GCN1: variants seen among roughly 807,000 people sequenced by gnomAD.
GCN1 encodes stalled ribosome sensor GCN1.
GCN1 carries 90 observed loss-of-function variants against 288.4 expected under a neutral mutation model. That is an observed-to-expected ratio of 0.31 (90% CI 0.26 to 0.37). The LOEUF (loss-of-function observed/expected upper bound fraction) is 0.37, where lower values mean the gene tolerates loss of function less well. GCN1 is among the 10% of genes least tolerant of loss of function. The probability of loss-of-function intolerance (pLI) is 1.00; values close to 1 mark genes in which losing one functional copy is unlikely to be tolerated. For missense variants in GCN1, 2,586 were observed against 3,419.9 expected, an observed-to-expected ratio of 0.76 and a Z score of 6.08; for synonymous variants, 1,386 against 1,420.2, an observed-to-expected ratio of 0.98 and a Z score of 0.54.
chr12:120,161,736 C>T (rs1014112830), intron 21 of GCN1, 144 bp downstream of exon 21: 3 of 940,190 alleles, frequency 3.2e-6, no homozygotes, highest in African/African-American at 3.3e-5. Flanking sequence ...GACCTAAGCA[C>T]CGTGCCGGGG....
rs1876839507 is a variant in GCN1 at position 120,131,922 on chromosome 12, T to C, written c.7414+4A>G. ...CCTGAAGGGGAACTCTCCAGTGTAC[T>C]TACCCAGCAAGCACTGCTGTAGAAC... On this transcript the variant is annotated splice_donor_region_variant and intron_variant, in intron 54 of 57. Coordinates refer to ENST00000300648, the MANE Select transcript of GCN1 (RefSeq NM_006836.2). 1.3e-6 allele frequency: 2 copies of C among 1,586,540 alleles called. No individual in the cohort carries two copies. The highest frequency in any genetic ancestry group is 1.7e-6 in the Non-Finnish European group (2 of 1,161,018).
chr12:120,187,696 G>A (rs1244197074), intron 2 of GCN1, among the ~76,000 whole-genome samples: 2 of 151,812 alleles, frequency 1.3e-5, no homozygotes, highest in Non-Finnish European at 2.9e-5. Flanking sequence ...GGGCTCAAGC[G>A]ATCCTCCCAC....
At chr12:120,169,584 ACCTACG>A (rs1346210551) in intron 15 of GCN1, among the ~76,000 whole-genome samples, 4 of 152,022 alleles carry the variant, frequency 2.6e-5, no homozygotes, top group African/African-American at 9.7e-5. Context: ...GCTCACTGCA[ACCTACG>A]CCTCCTGGGT....
chr12:120,184,830 C>T lies in GCN1; in HGVS notation c.179G>A (p.Arg60Gln), dbSNP rs1319481654. The T allele has an allele frequency of 1.2e-6, 2 of 1,608,458 alleles. No homozygotes were observed. The highest frequency in any genetic ancestry group is 1.7e-4 in the Middle Eastern group (1 of 6,054). The change falls in exon 3 of 58, where the codon CGA (arginine) becomes CAA (glutamine). Residue 60 changes from arginine to glutamine, a missense_variant. Arg to Gln is a conservative substitution (Grantham distance 43). Transcript: ENST00000300648. Reference protein sequence around the residue: ...LCKLFCLTLHRYRDAASRRAL... With the variant: ...LCKLFCLTLHQYRDAASRRAL... ...GCCTTTGGCTGGGACTCACCTATAT[C>T]GATGCAGAGTCAAGCAGAACAATTT...
At position 120,161,574 on chromosome 12, in the gene GCN1, C is replaced by A; in HGVS notation, c.2352G>T (p.Gln784His). The A allele has an allele frequency of 5.6e-6, 9 of 1,612,444 alleles. No homozygotes were observed. Among genetic ancestry groups the A allele is most frequent in the Non-Finnish European group, 7.6e-6 (9 of 1,178,504 alleles). The stretch of plus-strand genomic sequence containing the variant: ...TCATGTTGGCCTTTTTTATGCTGTC[C>A]TGCTGGGCACTGAAACACCAGAGTG... ...YDKSIIQSAQ[Q>H]DSIKKANMKR... is the part of the protein sequence containing the mutation. Residue 784 changes from glutamine (Q) to histidine (H), a missense_variant, in exon 22 of 58, where the codon CAG (glutamine) becomes CAT (histidine). Gln to His is a conservative substitution (Grantham distance 24). This residue lies in a region of GCN1 where 913 missense variants were observed against 1,107.0 expected (regional missense o/e 0.82). Transcript: ENST00000300648.
chr12:120,137,530 C>T lies in GCN1; in HGVS notation c.6663+15G>A, dbSNP rs1286391334. On this transcript the variant is annotated intron_variant, in intron 49 of 57. Transcript: ENST00000300648. This position sits in a 1 kb window ranked among gnomAD's most constrained non-coding sequence, Gnocchi z 5.2. ...TAAAAGCAAAAGTTGGCTGTGGGGT[C>T]AGCAGTCCCCTCACCTTAGTGATGG... 5 of 1,610,052 alleles carry T rather than the reference C, an allele frequency of 3.1e-6. No individual in the cohort carries two copies. Among genetic ancestry groups the T allele is most frequent in the Non-Finnish European group, 4.2e-6 (5 of 1,176,698 alleles).
At chr12:120,165,055 T>A (rs921989518) in intron 16 of GCN1, among the ~76,000 whole-genome samples, 10 of 145,534 alleles carry the variant, frequency 6.9e-5, no homozygotes, top group African/African-American at 2.7e-4. Flanking sequence ...ATATATATTT[T>A]TTTTTTTGAG....
chr12:120,151,059 C>G lies in GCN1; in HGVS notation c.4309+86G>C. 3 of 1,480,988 alleles carry G rather than the reference C, an allele frequency of 2.0e-6. No individual in the cohort carries two copies. In the South Asian group the frequency reaches 3.7e-5, roughly 18 times the overall value. 91.7% of individuals were successfully genotyped at this position (1,480,988 alleles called of 1,614,324 possible). On this transcript the variant is annotated intron_variant, in intron 34 of 57. Coordinates refer to ENST00000300648, the MANE Select transcript of GCN1 (RefSeq NM_006836.2). ...TACACGCACAAGCAACGGCCTCCAC[C>G]TGGGGCGCCACGGTCAGATTCCTTC...
At chr12:120,129,923 C>G (rs1433262095) in intron 56 of GCN1, among the ~76,000 whole-genome samples, 2 of 152,226 alleles carry the variant, frequency 1.3e-5, no homozygotes, top group Non-Finnish European at 2.9e-5. Flanking sequence ...CATCTCTACA[C>G]CTTCAGGATA....
intron 15 of GCN1, among the ~76,000 whole-genome samples, chr12:120,169,290 A>AG (rs1375983765): frequency 3.6e-5 from 3 of 84,238 alleles, no homozygotes; most frequent in African/African-American, 1.7e-4. Flanking sequence ...AAAAAAAAAA[A>AG]AAAAAGAAAA....
At position 120,190,342 on chromosome 12, in the gene GCN1, C is replaced by T. The variant is rs1878965362; in HGVS notation, c.77G>A (p.Arg26Gln). ...CCCAAGTTCACTGAGGATTTCTCTC[C>T]GTTCCTTTACACTGGCTGTTGTCAC... ...GKVTTASVKERREILSELGKC... is the reference protein window; with the variant it reads ...GKVTTASVKEQREILSELGKC... The change falls in exon 2 of 58, where the codon CGG (arginine) becomes CAG (glutamine). Residue 26 changes from arginine to glutamine, a missense_variant. By Grantham distance (43) the Arg-to-Gln change is conservative. This residue lies in a region of GCN1 where 913 missense variants were observed against 1,107.0 expected (regional missense o/e 0.82). Coordinates refer to ENST00000300648, the MANE Select transcript of GCN1 (RefSeq NM_006836.2). 1.2e-6 allele frequency: 2 copies of T among 1,610,368 alleles called. No individual in the cohort carries two copies. The highest frequency in any genetic ancestry group is 2.2e-5 in the East Asian group (1 of 44,878).
At chr12:120,131,652 C>T (rs1026086599) in intron 54 of GCN1, among the ~76,000 whole-genome samples, 5 of 152,202 alleles carry the variant, frequency 3.3e-5, no homozygotes, top group East Asian at 1.9e-4. Context: ...CTCGCTCTGT[C>T]GCCCAGGCTA....
chr12:120,176,972 G>C (rs908473480), intron 9 of GCN1, among the ~76,000 whole-genome samples: 22 of 152,120 alleles, frequency 1.4e-4, no homozygotes, highest in African/African-American at 5.3e-4. Context: ...AACCATGTTG[G>C]TCAGGCTGGT....
Position 120,144,299 on chromosome 12 carries a change from T to C in GCN1, c.5495+7A>G. 6.2e-7 allele frequency: 1 copy of C among 1,614,208 alleles called. No individual in the cohort carries two copies. The highest frequency in any genetic ancestry group is 8.5e-7 in the Non-Finnish European group (1 of 1,180,020). ...TCCCCACTGGGTCTTTCTGCCCAAG[T>C]TCTCACCTGATTCTCCAAAGGTCAT... On this transcript the variant is annotated splice_region_variant and intron_variant, in intron 42 of 57. Coordinates refer to ENST00000300648, the MANE Select transcript of GCN1 (RefSeq NM_006836.2). This position sits in a 1 kb window ranked among gnomAD's most constrained non-coding sequence, Gnocchi z 4.7.
intron 22 of GCN1, among the ~76,000 whole-genome samples, 193 bp downstream of exon 22, chr12:120,161,297 G>T (rs891970306): frequency 1.3e-5 from 2 of 152,154 alleles, no homozygotes; most frequent in African/African-American, 4.8e-5. Context: ...TTGAGTTGTG[G>T]GTGGAAGAAG....
intron 46 of GCN1, 37 bp downstream of exon 46, chr12:120,138,658 C>T (rs1329760285): frequency 1.3e-6 from 2 of 1,593,302 alleles, no homozygotes; most frequent in Non-Finnish European, 1.7e-6. Flanking sequence ...ACGGCAAAAG[C>T]CAAACTGGTA....
intron 18 of GCN1, 141 bp from the exon 19 acceptor site, chr12:120,163,400 T>G: frequency 1.5e-6 from 1 of 652,194 alleles, no homozygotes; most frequent in Non-Finnish European, 2.6e-6. Flanking sequence ...GATGCCCAGC[T>G]TCCTGCAATG....
At chr12:120,159,603 C>A (rs1877863293) in intron 24 of GCN1, among the ~76,000 whole-genome samples, 1 of 152,212 alleles carries the variant, frequency 6.6e-6, no homozygotes, top group African/African-American at 2.4e-5. Flanking sequence ...CTAAAACCTA[C>A]TCCTCAGAGG....
At position 120,184,228 on chromosome 12, in the gene GCN1, G is replaced by A. The variant is rs1878752001; in HGVS notation, c.201C>T (p.Arg67=). The change falls in exon 4 of 58, where the codon CGC becomes CGT. Residue 67 remains arginine (R), a synonymous_variant. Coordinates refer to ENST00000300648, the MANE Select transcript of GCN1 (RefSeq NM_006836.2). ...GCTGGATGGCTGCCTGCAAGGCCCT[G>A]CGGGAGGCTGCATCTCTAGGGGGAG... ...TLHRYRDAAS[R]RALQAAIQQL... The A allele has an allele frequency of 6.2e-7, 1 of 1,613,352 alleles. No homozygotes were observed. Among genetic ancestry groups the A allele is most frequent in the South Asian group, 1.1e-5 (1 of 91,064 alleles).
Sources: allele counts gnomAD v4.1 joint callset (sites outside exome capture counted in the v4.1 genomes callset), GRCh38; gene constraint gnomAD v4.1.1; regional missense constraint gnomAD v4.1.1; non-coding constraint Gnocchi (gnomAD v3.1); transcripts MANE v1.5; gene names NCBI Gene and HGNC (gene_info 2026-07-23, HGNC 2026-07-21).